IL16: variants seen among roughly 807,000 people sequenced by gnomAD.
The protein encoded by IL16 is pro-interleukin-16.
Under a neutral mutation model 110.1 loss-of-function variants are expected in IL16, and 67 were observed. That is an observed-to-expected ratio of 0.61 (90% confidence interval 0.50 to 0.75). The LOEUF (loss-of-function observed/expected upper bound fraction) is 0.75. Among genes scored for constraint, IL16 ranks in the 30% least tolerant of loss-of-function variants. The probability of loss-of-function intolerance (pLI) is 0.00; values close to 1 mark genes in which losing one functional copy is unlikely to be tolerated. For missense variants in IL16, 1,545 were observed against 1,655.0 expected, an observed-to-expected ratio of 0.93 and a Z score of 1.15; for synonymous variants, 689 against 662.9, an observed-to-expected ratio of 1.04 and a Z score of -0.61.
chr15:81,223,780 C>T (rs538399319), intron 1 of IL16, among the ~76,000 whole-genome samples: 4 of 152,326 alleles, frequency 2.6e-5, no homozygotes, highest in African/African-American at 7.2e-5. Context: ...TTGGTGGCCA[C>T]GAATGTTTCA....
intron 8 of IL16, among the ~76,000 whole-genome samples, chr15:81,280,229 C>T (rs376418707): frequency 3.9e-5 from 6 of 152,138 alleles, no homozygotes; most frequent in East Asian, 1.9e-4. Context: ...GGTGGGGGCT[C>T]GGAGCCCTCT....
intron 10 of IL16, among the ~76,000 whole-genome samples, chr15:81,288,599 A>C (rs1002254913): frequency 6.6e-6 from 1 of 152,184 alleles, no homozygotes; most frequent in African/African-American, 2.4e-5. Context: ...AAACTCTACC[A>C]GTTAAACAAG....
chr15:81,299,820 G>GCCTCCTCCT lies in IL16; in HGVS notation c.2506_2514dup (p.Ser836_Ser838dup). The GCCTCCTCCT allele has an allele frequency of 1.9e-6, 3 of 1,613,352 alleles. No individual in the cohort carries two copies. Among genetic ancestry groups the GCCTCCTCCT allele is most frequent in the South Asian group, 2.2e-5 (2 of 91,054 alleles). Reference sequence around the variant, plus strand: ...GGAGCACCTAGGATCACACATCCGGGCCTCCTCCTCCTCCTCCTCCATCAG... The same window carrying GCCTCCTCCT: ...GGAGCACCTAGGATCACACATCCGGGCCTCCTCCTCCTCCTCCTCCTCCTCCTCCATCAG... On this transcript the variant is annotated inframe_insertion, in exon 14 of 19. Coordinates refer to ENST00000683961, the MANE Select transcript of IL16 (RefSeq NM_172217.5).
In IL16 at chr15:81,313,436, C is replaced by T. The variant is rs772382059; in HGVS notation, c.*4638C>T. On this transcript the variant is annotated 3_prime_UTR_variant, in exon 19 of 19. Coordinates refer to ENST00000683961, the MANE Select transcript of IL16 (RefSeq NM_172217.5). ...GGCAACAGCAGAGCTGTGTTATGAT[C>T]TGCAGCAGAGGTGCTGGGGACGAGC... The T allele has an allele frequency of 6.8e-7, 1 of 1,476,784 alleles. No homozygotes were observed. The highest frequency in any genetic ancestry group is 9.0e-7 in the Non-Finnish European group (1 of 1,108,688). 91.5% of individuals were successfully genotyped at this position (1,476,784 alleles called of 1,614,324 possible). A position where few individuals can be genotyped will look rare whatever the true frequency, so the allele number is the denominator to read the frequency against.
intron 9 of IL16, among the ~76,000 whole-genome samples, chr15:81,283,856 A>T (rs1351141785): frequency 1.5e-4 from 23 of 152,236 alleles, no homozygotes; most frequent in Non-Finnish European, 5.9e-5. Context: ...CATAAAAATT[A>T]GCCAAGTGTG....
rs115500835 is a variant in IL16 at position 81,231,776 on chromosome 15, A to G, written c.312+6065A>G. Among the ~76,000 whole-genome samples the G allele has an allele frequency of 3.8e-3, 578 of 152,252 alleles. 6 individuals are homozygous for G. The highest frequency in any genetic ancestry group is 0.013 in the African/African-American group (535 of 41,550). On this transcript the variant is annotated intron_variant, in intron 2 of 18. Coordinates refer to ENST00000683961, the MANE Select transcript of IL16 (RefSeq NM_172217.5). ...ATTCACATTAAATAAATTTTTGTAT[A>G]TGTTGTGAGTTAGCTGCTAACTTTT...
chr15:81,284,929 G>A (rs1230397052), intron 9 of IL16, among the ~76,000 whole-genome samples: 1 of 152,138 alleles, frequency 6.6e-6, no homozygotes, highest in Admixed American at 6.5e-5. Flanking sequence ...TTTACTCTCT[G>A]GCCCTTTGCA....
chr15:81,275,261 TTC>T (rs1414874908), intron 6 of IL16, among the ~76,000 whole-genome samples: 1 of 149,368 alleles, frequency 6.7e-6, no homozygotes, highest in East Asian at 2.0e-4. Flanking sequence ...ATGACATCCG[TTC>T]TCTCTCCGTT....
chr15:81,193,357 C>A (rs1399733160), upstream of IL16, among the ~76,000 whole-genome samples: 2 of 151,912 alleles, frequency 1.3e-5, no homozygotes, highest in African/African-American at 4.8e-5. Flanking sequence ...TTAAGTTAAA[C>A]CCCAGCTGAA....
chr15:81,303,740 G>A lies in IL16; in HGVS notation c.3420+90G>A. On this transcript the variant is annotated intron_variant, in intron 16 of 18. Transcript: ENST00000683961. This position sits in a 1 kb window ranked among gnomAD's most constrained non-coding sequence, Gnocchi z 4.1. ...CTTGCCAGGAAGGGGCCCTGTGCTGGGGAAATGAAGAATGCATGACACTAG... is the reference window on the plus strand; with the variant it reads ...CTTGCCAGGAAGGGGCCCTGTGCTGAGGAAATGAAGAATGCATGACACTAG... The A allele has an allele frequency of 2.4e-6, 2 of 850,950 alleles. No homozygotes were observed. The highest frequency in any genetic ancestry group is 1.4e-5 in the South Asian group (1 of 69,864). 52.7% of individuals were successfully genotyped at this position (850,950 alleles called of 1,614,324 possible). A position where few individuals can be genotyped will look rare whatever the true frequency, so the allele number is the denominator to read the frequency against.
chr15:81,264,270 T>C (rs1167683058), intron 3 of IL16, among the ~76,000 whole-genome samples: 2 of 152,170 alleles, frequency 1.3e-5, no homozygotes, highest in Non-Finnish European at 2.9e-5. Context: ...GCCACCTACT[T>C]GCGCTGAAGC....
chr15:81,237,143 ACT>A (rs962750558), intron 2 of IL16, among the ~76,000 whole-genome samples: 21 of 151,858 alleles, frequency 1.4e-4, no homozygotes, highest in African/African-American at 5.1e-4. Flanking sequence ...TATCTTCCTC[ACT>A]CTCATCTTTA....
Position 81,292,788 on chromosome 15 carries a change from G to C in IL16, c.1653G>C (p.Glu551Asp). 6.2e-7 allele frequency: 1 copy of C among 1,614,154 alleles called. No homozygotes were observed. Among genetic ancestry groups the C allele is most frequent in the Non-Finnish European group, 8.5e-7 (1 of 1,180,024 alleles). ...THSPSLPLAREPVVLSIASSR... is the reference protein window; with the variant it reads ...THSPSLPLARDPVVLSIASSR... Reference sequence around the variant, plus strand: ...GCCCCAGCTTGCCTCTGGCACGGGAGCCAGTGGTGCTTTCTATAGCATCCT... The same window carrying C: ...GCCCCAGCTTGCCTCTGGCACGGGACCCAGTGGTGCTTTCTATAGCATCCT... Residue 551 changes from glutamate to aspartate, a missense_variant, in exon 12 of 19, where the codon GAG (glutamate) becomes GAC (aspartate). Physicochemically the swap from Glu to Asp is conservative, Grantham distance 45. Around this residue, in one of 3 missense-constraint regions of IL16, gnomAD observed 1,185 missense variants for 1,238.8 expected, o/e 0.96. Transcript: ENST00000683961.
At chr15:81,252,108 T>C (rs1897788044) in intron 2 of IL16, among the ~76,000 whole-genome samples, 1 of 152,152 alleles carries the variant, frequency 6.6e-6, no homozygotes, top group Non-Finnish European at 1.5e-5. Flanking sequence ...ACTACAAAGG[T>C]TCTGTAAATC....
intron 1 of IL16, among the ~76,000 whole-genome samples, chr15:81,217,995 A>C (rs1285894945): frequency 6.6e-6 from 1 of 152,220 alleles, no homozygotes; most frequent in African/African-American, 2.4e-5. Context: ...TATTGTCATC[A>C]TGATTTACTA....
intron 1 of IL16, among the ~76,000 whole-genome samples, chr15:81,223,794 T>C (rs529528078): frequency 3.9e-5 from 6 of 152,366 alleles, no homozygotes; most frequent in African/African-American, 1.4e-4. Flanking sequence ...TGTTTCATGA[T>C]ACCAATCTGT....
intron 2 of IL16, among the ~76,000 whole-genome samples, chr15:81,247,288 G>A (rs907608455): frequency 1.3e-5 from 2 of 151,530 alleles, no homozygotes; most frequent in African/African-American, 2.4e-5. Flanking sequence ...TTTAATATAA[G>A]CACTTGAGAT....
intron 13 of IL16, among the ~76,000 whole-genome samples, chr15:81,298,328 G>T (rs1400115325): frequency 6.6e-6 from 1 of 152,182 alleles, no homozygotes; most frequent in Non-Finnish European, 1.5e-5. Flanking sequence ...CAACTGGGTT[G>T]CGTTCCAGTA....
intron 8 of IL16, among the ~76,000 whole-genome samples, chr15:81,282,369 G>A (rs574134044): frequency 2.6e-5 from 4 of 152,294 alleles, no homozygotes; most frequent in South Asian, 2.1e-4. Context: ...CTTAGATACT[G>A]TCCTCTCTTC....
Sources: gnomAD v4.1 joint callset for allele counts (sites outside exome capture counted in the v4.1 genomes callset) on GRCh38, gnomAD v4.1.1 for gene constraint, gnomAD v4.1.1 regional missense constraint, Gnocchi (gnomAD v3.1) non-coding constraint, MANE v1.5 for transcripts, NCBI Gene and HGNC (gene_info 2026-07-23, HGNC 2026-07-21) for gene names.